Variants in GABRA4 observed in about 807,000 individuals in gnomAD.
The protein encoded by GABRA4 is gamma-aminobutyric acid receptor subunit alpha-4.
GABRA4 carries 12 observed loss-of-function variants against 49.7 expected under a neutral mutation model. The ratio of observed to expected loss-of-function variants is 0.24; its 90% confidence interval spans 0.15 to 0.39. GABRA4 has a LOEUF of 0.39. Ranked by LOEUF, GABRA4 falls within the 10% of genes least tolerant of loss-of-function variation. GABRA4 has a pLI of 1.00. For missense variants in GABRA4, 506 were observed against 686.0 expected (o/e 0.74, Z 2.93); for synonymous variants, 288 against 240.2 (o/e 1.20, Z -1.84).
At chr4:46,930,432 A>G (rs1408332400) in intron 8 of GABRA4, among the ~76,000 whole-genome samples, 2 of 152,038 alleles carry the variant, frequency 1.3e-5, no homozygotes, top group Non-Finnish European at 2.9e-5. Context: ...TGAATAACAT[A>G]AAAAAAGAAC....
intron 8 of GABRA4, among the ~76,000 whole-genome samples, chr4:46,957,866 A>G (rs1722421785): frequency 6.6e-6 from 1 of 152,030 alleles, no homozygotes; most frequent in South Asian, 2.1e-4. Context: ...CATATTTTAT[A>G]AGTTGTTAGA....
At chr4:46,992,764 GAC>G in intron 2 of GABRA4, 62 bp downstream of exon 2, 1 of 1,149,452 alleles carries the variant, frequency 8.7e-7, no homozygotes. Flanking sequence ...CCCACAGACA[GAC>G]AGACAGGAAG....
chr4:46,973,812 C>G (rs1005609970), intron 6 of GABRA4, among the ~76,000 whole-genome samples: 1 of 151,614 alleles, frequency 6.6e-6, no homozygotes, highest in Non-Finnish European at 1.5e-5. Flanking sequence ...TTTTTGTTTA[C>G]TTTCAGAAAA....
chr4:46,975,688 C>T (rs1441986839), intron 5 of GABRA4, among the ~76,000 whole-genome samples: 5 of 151,880 alleles, frequency 3.3e-5, no homozygotes, highest in African/African-American at 1.2e-4. Context: ...TGTTCAAGTC[C>T]TTCTGAAGAG....
At chr4:46,985,857 A>T (rs1247622050) in intron 2 of GABRA4, among the ~76,000 whole-genome samples, 4 of 151,982 alleles carry the variant, frequency 2.6e-5, no homozygotes, top group African/African-American at 9.7e-5. Context: ...TTTCTAAAAG[A>T]CGTATTTCTT....
At chr4:46,979,193 T>G (rs41301811) in intron 2 of GABRA4, 95 bp from the exon 3 acceptor site, 1 of 721,100 alleles carries the variant, frequency 1.4e-6, no homozygotes, top group Admixed American at 2.6e-5. Context: ...AGATATGATA[T>G]ATCATGTTTT....
chr4:46,961,356 C>T (rs988523483), intron 8 of GABRA4, among the ~76,000 whole-genome samples: 7 of 151,798 alleles, frequency 4.6e-5, no homozygotes, highest in Non-Finnish European at 8.8e-5. Flanking sequence ...ATCCTCCTCC[C>T]GCACTTCCTG....
At chr4:46,966,312 TG>T (rs1473889447) in intron 7 of GABRA4, among the ~76,000 whole-genome samples, 3 of 151,692 alleles carry the variant, frequency 2.0e-5, no homozygotes, top group Admixed American at 2.0e-4. Flanking sequence ...AATAGAACAA[TG>T]ATGTTGAAGG....
chr4:46,992,975 C>A, intron 1 of GABRA4, 29 bp from the exon 2 acceptor site: 1 of 1,443,686 alleles, frequency 6.9e-7, no homozygotes, highest in South Asian at 1.1e-5. Flanking sequence ...AAACCGGGGG[C>A]GGAGGAGATT....
At chr4:46,957,536 G>T (rs1180598122) in intron 8 of GABRA4, among the ~76,000 whole-genome samples, 1 of 151,890 alleles carries the variant, frequency 6.6e-6, no homozygotes, top group Non-Finnish European at 1.5e-5. Flanking sequence ...CTTGAACTTT[G>T]AAAAAAGAAA....
chr4:46,933,230 G>A (rs150900642), intron 8 of GABRA4, among the ~76,000 whole-genome samples: 89 of 152,190 alleles, frequency 5.8e-4, no homozygotes, highest in Non-Finnish European at 1.0e-3. Context: ...GCACACAGTA[G>A]GCACCTATTT....
At chr4:46,937,444 GA>G (rs947964897) in intron 8 of GABRA4, among the ~76,000 whole-genome samples, 1 of 151,724 alleles carries the variant, frequency 6.6e-6, no homozygotes, top group Non-Finnish European at 1.5e-5. Context: ...TTTTTTATAG[GA>G]AAAAAACCAC....
chr4:46,942,489 G>A (rs552098023), intron 8 of GABRA4, among the ~76,000 whole-genome samples: 4 of 152,022 alleles, frequency 2.6e-5, no homozygotes, highest in Non-Finnish European at 4.4e-5. Context: ...GCCAGACGTG[G>A]TGGTGCACAC....
At chr4:46,930,835 GC>G (rs1553902267) in intron 8 of GABRA4, among the ~76,000 whole-genome samples, 4 of 147,778 alleles carry the variant, frequency 2.7e-5, no homozygotes, top group Non-Finnish European at 6.0e-5. Context: ...TAAAACAAAT[GC>G]AAAAAAAAAA....
chr4:46,938,300 A>G (rs554952469), intron 8 of GABRA4, among the ~76,000 whole-genome samples: 1 of 152,238 alleles, frequency 6.6e-6, no homozygotes, highest in South Asian at 2.1e-4. Flanking sequence ...ATATGAGTTG[A>G]TCACAATGAA....
chr4:46,950,193 A>G (rs2109356832), intron 8 of GABRA4, among the ~76,000 whole-genome samples: 1 of 152,176 alleles, frequency 6.6e-6, no homozygotes, highest in South Asian at 2.1e-4. Flanking sequence ...CAGAATCTAT[A>G]CAAGCATAAA....
intron 8 of GABRA4, among the ~76,000 whole-genome samples, chr4:46,964,759 T>C (rs1577775748): frequency 6.6e-6 from 1 of 151,974 alleles, no homozygotes; most frequent in South Asian, 2.1e-4. Flanking sequence ...TAGCTTCGCC[T>C]ACATCTAGCT....
At chr4:46,986,157 G>A (rs571208686) in intron 2 of GABRA4, among the ~76,000 whole-genome samples, 1 of 151,714 alleles carries the variant, frequency 6.6e-6, no homozygotes, top group Non-Finnish European at 1.5e-5. Context: ...ATACAGCATT[G>A]TTCCCACCAA....
rs548955051 is a variant in GABRA4, at chr4:46,951,728, TTA to T, written c.1134+13240_1134+13241del. On this transcript the variant is annotated intron_variant, in intron 8 of 8. Transcript: ENST00000264318. ...GTATAATAAAATACTAGGAAATTTGTTATATATATATATGTGTGTGTGTGTAT... is the reference window on the plus strand; with the variant it reads ...GTATAATAAAATACTAGGAAATTTGTTATATATATATGTGTGTGTGTGTAT... Among the ~76,000 whole-genome samples, 117 of 151,200 alleles carry T rather than the reference TTA, an allele frequency of 7.7e-4. 2 individuals are homozygous for T. In the Middle Eastern group the frequency reaches 0.014, roughly 18 times the overall value.
Sources: allele counts gnomAD v4.1 joint callset (sites outside exome capture counted in the v4.1 genomes callset), GRCh38; gene constraint gnomAD v4.1.1; transcripts MANE v1.5; gene names NCBI Gene and HGNC (gene_info 2026-07-23, HGNC 2026-07-21).